QRFPR: variants seen among roughly 807,000 people sequenced by gnomAD.
The protein encoded by QRFPR is pyroglutamylated RF-amide peptide receptor.
A neutral mutation model predicts 31.3 loss-of-function variants in QRFPR; 37 were observed. The observed-to-expected ratio is 1.18, with a 90% confidence interval of 0.91 to 1.56. The LOEUF (loss-of-function observed/expected upper bound fraction) is 1.56. Ranked by LOEUF, QRFPR falls within the 40% of genes most tolerant of loss-of-function variation. QRFPR has a pLI of 0.00. For synonymous variants in QRFPR, 197 were observed against 192.0 expected (o/e 1.03, Z -0.22); for missense variants, 542 against 532.5 (o/e 1.02, Z -0.18).
Position 121,329,479 on chromosome 4 carries a change from G to A in QRFPR, c.1131C>T (p.Ser377=), listed in dbSNP as rs781619429. 9.9e-6 allele frequency: 16 copies of A among 1,614,062 alleles called. No homozygotes were observed. The South Asian group carries it at 1.6e-4, about 17-fold the overall frequency. The change falls in exon 6 of 6, where the codon TCC becomes TCT. Residue 377 remains serine, a synonymous_variant. Transcript: ENST00000394427. ...ITMMRKKAKF[S]LRENPVEETK... ...TTTCCTCCACTGGATTCTCTCTGAG[G>A]GAAAACTTTGCTTTCTTCCGCATCA...
In QRFPR at chr4:121,371,228, T is replaced by C. The variant is rs750110225; in HGVS notation, c.340+9080A>G. 3.3e-5 allele frequency among the ~76,000 whole-genome samples: 5 copies of C among 152,332 alleles called. No homozygotes were observed. In the Middle Eastern group the frequency reaches 0.014, roughly 415 times the overall value. ...TAAATGTGTTTCTCCAAAACCAAGC[T>C]ACAGGTAGGACTAATTTAGTTTTGC... On this transcript the variant is annotated intron_variant, in intron 1 of 5. Coordinates refer to ENST00000394427, the MANE Select transcript of QRFPR (RefSeq NM_198179.3).
At chr4:121,341,146 T>C (rs1725537109) in intron 1 of QRFPR, among the ~76,000 whole-genome samples, 1 of 152,248 alleles carries the variant, frequency 6.6e-6, no homozygotes. Context: ...GGTCTCAAAG[T>C]GGTGGCCACT....
chr4:121,352,686 T>A (rs764852420), intron 1 of QRFPR, among the ~76,000 whole-genome samples: 5 of 152,098 alleles, frequency 3.3e-5, no homozygotes, highest in Non-Finnish European at 5.9e-5. Flanking sequence ...CACTGGGGTA[T>A]TCGTCACATC....
At chr4:121,346,296 G>A (rs1005946790) in intron 1 of QRFPR, among the ~76,000 whole-genome samples, 1 of 152,172 alleles carries the variant, frequency 6.6e-6, no homozygotes, top group Non-Finnish European at 1.5e-5. Flanking sequence ...AGACCTGGGG[G>A]TGGAGCTCTA....
rs1726476369 is a variant in QRFPR at position 121,380,687 on chromosome 4, T to A, written c.-40A>T. 1 of 1,460,862 alleles carries A rather than the reference T, an allele frequency of 6.8e-7. No individual in the cohort carries two copies. The highest frequency in any genetic ancestry group is 9.1e-7 in the Non-Finnish European group (1 of 1,100,290). 90.5% of individuals were successfully genotyped at this position (1,460,862 alleles called of 1,614,324 possible). A position where few individuals can be genotyped will look rare whatever the true frequency, so the allele number is the denominator to read the frequency against. ...GGGACGCGGGGCCACCGCCCGCTAC[T>A]GGCTGGCCATCCGCATCTGCGGGGC... On this transcript the variant is annotated 5_prime_UTR_variant, in exon 1 of 6. Transcript: ENST00000394427.
chr4:121,373,813 T>G (rs1725651622), intron 1 of QRFPR, among the ~76,000 whole-genome samples: 1 of 152,228 alleles, frequency 6.6e-6, no homozygotes, highest in African/African-American at 2.4e-5. Context: ...CAGCTCTCAA[T>G]CTCTAAAAAC....
chr4:121,342,564 T>C (rs986455475), intron 1 of QRFPR, among the ~76,000 whole-genome samples: 1 of 152,174 alleles, frequency 6.6e-6, no homozygotes, highest in East Asian at 1.9e-4. Context: ...TATTCTACTC[T>C]TTTCCCATTC....
At chr4:121,369,463 A>T (rs1275594256) in intron 1 of QRFPR, 1 of 1,048,174 alleles carries the variant, frequency 9.5e-7, no homozygotes, top group African/African-American at 1.6e-5. Context: ...CATTCAAGTC[A>T]CGGGGTTTGA....
In QRFPR at chr4:121,369,859, T is replaced by C; in HGVS notation, c.340+10449A>G. The C allele has an allele frequency of 9.1e-6, 8 of 874,642 alleles. No homozygotes were observed. The South Asian group carries it at 1.1e-4, about 12-fold the overall frequency. The allele number at this position is 874,642 out of a possible 1,614,324, so 54.2% of individuals were successfully genotyped here. ...CTGATGCAGGTGGCCTCTCTTCTTT[T>C]GTTATCTCTCCACTCTGCAGCTTTA... is the stretch of plus-strand genomic sequence containing the variant. On this transcript the variant is annotated intron_variant, in intron 1 of 5. Transcript: ENST00000394427.
At chr4:121,369,046 A>G (rs1018016270) in intron 1 of QRFPR, among the ~76,000 whole-genome samples, 1 of 152,146 alleles carries the variant, frequency 6.6e-6, no homozygotes, top group Non-Finnish European at 1.5e-5. Context: ...TTATTTATTT[A>G]GAGACGGAGT....
rs554181787 is a variant in QRFPR at position 121,369,421 on chromosome 4, G to C, written c.340+10887C>G. ...CCTTCTTTACCAGAATCCCTGGAAA[G>C]AAAGGGCTCTAGAAGCCAGTGGGTG... On this transcript the variant is annotated intron_variant, in intron 1 of 5. Coordinates refer to ENST00000394427, the MANE Select transcript of QRFPR (RefSeq NM_198179.3). The C allele has an allele frequency of 5.1e-6, 4 of 784,026 alleles. No homozygotes were observed. In the African/African-American group the frequency reaches 6.9e-5, roughly 14 times the overall value. The allele number at this position is 784,026 out of a possible 1,614,324, so 48.6% of individuals were successfully genotyped here.
At position 121,369,828 on chromosome 4, in the gene QRFPR, A is replaced by G. The variant is rs1579589960; in HGVS notation, c.340+10480T>C. 58 of 1,151,684 alleles carry G rather than the reference A, an allele frequency of 5.0e-5. No individual in the cohort carries two copies. The East Asian group carries it at 1.4e-3, about 27-fold the overall frequency. 71.3% of individuals were successfully genotyped at this position (1,151,684 alleles called of 1,614,324 possible). On this transcript the variant is annotated intron_variant, in intron 1 of 5. Transcript: ENST00000394427. ...AAGTGAGAAGTGGTGCTTGGGGTGG[A>G]CAGGGCTGATGCAGGTGGCCTCTCT...
Position 121,343,642 on chromosome 4 carries a change from A to G in QRFPR, c.341-3032T>C, listed in dbSNP as rs1358155087. 2.0e-5 allele frequency among the ~76,000 whole-genome samples: 3 copies of G among 151,772 alleles called. No individual in the cohort carries two copies. The South Asian group carries it at 6.2e-4, about 32-fold the overall frequency. ...ATATGGGTATAAATTATTAATCTGC[A>G]TATTTATCCTAGGTTTTTTTTCTCT... On this transcript the variant is annotated intron_variant, in intron 1 of 5. Transcript: ENST00000394427.
At chr4:121,353,490 A>T (rs183844164) in intron 1 of QRFPR, among the ~76,000 whole-genome samples, 2 of 152,142 alleles carry the variant, frequency 1.3e-5, no homozygotes, top group Admixed American at 1.3e-4. Flanking sequence ...TTTTTTTCAT[A>T]TAACTGTTGG....
At chr4:121,356,499 A>G (rs747835580) in intron 1 of QRFPR, among the ~76,000 whole-genome samples, 2 of 152,188 alleles carry the variant, frequency 1.3e-5, no homozygotes, top group Non-Finnish European at 2.9e-5. Context: ...TGAAGAGTTC[A>G]GTATTTATTC....
chr4:121,338,259 T>C (rs772511349), intron 2 of QRFPR, among the ~76,000 whole-genome samples: 1 of 152,164 alleles, frequency 6.6e-6, no homozygotes, highest in Non-Finnish European at 1.5e-5. Flanking sequence ...TTTTCTGGGC[T>C]TTAGTACAAA....
At chr4:121,362,502 G>C (rs1726013409) in intron 1 of QRFPR, among the ~76,000 whole-genome samples, 1 of 149,736 alleles carries the variant, frequency 6.7e-6, no homozygotes, top group Non-Finnish European at 1.5e-5. Flanking sequence ...AGAGGCAAAA[G>C]ACCAGGAATA....
Position 121,380,627 on chromosome 4 carries a change from G to A in QRFPR, c.21C>T (p.Thr7=). Residue 7 remains threonine, a synonymous_variant, in exon 1 of 6, where the codon ACC becomes ACT. Transcript: ENST00000394427. MQALNI[T]PEQFSRLLRD... is the part of the protein sequence containing the mutation. ...GCAGCAGCCGAGAGAACTGCTCCGG[G>A]GTAATGTTAAGCGCCTGCATTGCTG... 1 of 1,579,048 alleles carries A rather than the reference G, an allele frequency of 6.3e-7. No individual in the cohort carries two copies.
intron 1 of QRFPR, among the ~76,000 whole-genome samples, chr4:121,380,056 A>C (rs1726442482): frequency 6.6e-6 from 1 of 152,106 alleles, no homozygotes; most frequent in Admixed American, 6.5e-5. Flanking sequence ...CTGGAGGGGA[A>C]TCAGAGGCGG....
Sources: gnomAD v4.1 joint callset for allele counts (sites outside exome capture counted in the v4.1 genomes callset) on GRCh38, gnomAD v4.1.1 for gene constraint, MANE v1.5 for transcripts, NCBI Gene and HGNC (gene_info 2026-07-23, HGNC 2026-07-21) for gene names.